LRRC37A2: variants seen among roughly 807,000 people sequenced by gnomAD.
The protein encoded by LRRC37A2 is leucine rich repeat containing 37 member A2, also known as leucine-rich repeat-containing protein 37A2.
Under a neutral mutation model 68.8 loss-of-function variants are expected in LRRC37A2, and 9 were observed. The ratio of observed to expected loss-of-function variants is 0.13; its 90% CI spans 0.08 to 0.23. The LOEUF (loss-of-function observed/expected upper bound fraction) is 0.23, where lower values mean the gene tolerates loss of function less well. LRRC37A2 is among the 10% of genes least tolerant of loss of function. The pLI is 1.00. For missense variants in LRRC37A2, 168 were observed against 950.4 expected (o/e 0.18, Z 10.82); for synonymous variants, 63 against 367.6 (o/e 0.17, Z 9.48).
the LRRC37A2 span, among the ~76,000 whole-genome samples, chr17:46,894,962 G>C: frequency 1.3e-5 from 2 of 152,182 alleles, no homozygotes; most frequent in South Asian, 4.1e-4. Context: ...GCCTGTGCTC[G>C]GGACGGGACG....
At chr17:46,925,462 C>T in the LRRC37A2 span, among the ~76,000 whole-genome samples, 1 of 152,222 alleles carries the variant, frequency 6.6e-6, no homozygotes, top group African/African-American at 2.4e-5. Flanking sequence ...GTCTATCTTT[C>T]CTCTCCAGTG....
chr17:46,974,516 C>CCT, the LRRC37A2 span, among the ~76,000 whole-genome samples: 5 of 152,278 alleles, frequency 3.3e-5, no homozygotes, highest in East Asian at 5.8e-4. Context: ...GGGTGGATCA[C>CCT]AAGGTCAGGA....
At chr17:47,007,321 G>A in the LRRC37A2 span, among the ~76,000 whole-genome samples, 301 of 152,198 alleles carry the variant, frequency 2.0e-3, 1 homozygote, top group African/African-American at 5.5e-3. Context: ...GGGATTACAG[G>A]TGCCTGCCAG....
At chr17:46,831,487 C>T in the LRRC37A2 span, 1 of 152,526 alleles carries the variant, frequency 6.6e-6, no homozygotes, top group African/African-American at 2.4e-5. Flanking sequence ...AACTGTCTTC[C>T]AGTTGTCCAG....
the LRRC37A2 span, among the ~76,000 whole-genome samples, chr17:46,835,591 C>T: frequency 7.2e-4 from 109 of 152,376 alleles, no homozygotes; most frequent in Admixed American, 1.3e-3. Context: ...GCCTCCCTGA[C>T]TTACCCCTCC....
the LRRC37A2 span, among the ~76,000 whole-genome samples, chr17:46,926,035 G>A: frequency 6.6e-6 from 1 of 152,162 alleles, no homozygotes; most frequent in Non-Finnish European, 1.5e-5. Context: ...CGTATGTCCA[G>A]GACACAAGAA....
chr17:46,735,264 A>G, the LRRC37A2 span, among the ~76,000 whole-genome samples: 1 of 152,184 alleles, frequency 6.6e-6, no homozygotes, highest in East Asian at 1.9e-4. Context: ...ATCATCAGAG[A>G]AATGCTAATA....
the LRRC37A2 span, among the ~76,000 whole-genome samples, chr17:46,500,666 C>T: frequency 6.6e-6 from 1 of 150,966 alleles, no homozygotes; most frequent in South Asian, 2.1e-4. Context: ...ATAGCAAATC[C>T]CTTGTTGAGT....
At chr17:46,798,695 C>T in the LRRC37A2 span, among the ~76,000 whole-genome samples, 1 of 152,164 alleles carries the variant, frequency 6.6e-6, no homozygotes, top group Non-Finnish European at 1.5e-5. Context: ...ACAGCCAGTG[C>T]CTCAGCCATT....
chr17:46,767,163 C>T, the LRRC37A2 span, among the ~76,000 whole-genome samples: 3 of 152,126 alleles, frequency 2.0e-5, no homozygotes, highest in Non-Finnish European at 2.9e-5. Flanking sequence ...TGACCTATCC[C>T]GGGGTGCTGT....
At chr17:46,953,613 G>A in the LRRC37A2 span, among the ~76,000 whole-genome samples, 1 of 152,168 alleles carries the variant, frequency 6.6e-6, no homozygotes, top group African/African-American at 2.4e-5. Flanking sequence ...GATCCCTGAG[G>A]AATCGCCACA....
the LRRC37A2 span, among the ~76,000 whole-genome samples, chr17:46,822,039 G>T: frequency 3.0e-4 from 46 of 151,584 alleles, no homozygotes; most frequent in African/African-American, 9.8e-4. Context: ...GGACCAACCT[G>T]GGGGGGTAAA....
the LRRC37A2 span, chr17:46,764,066 A>AC: frequency 6.6e-6 from 1 of 152,186 alleles, no homozygotes; most frequent in South Asian, 2.1e-4. Context: ...CCTTCCTACC[A>AC]CTTCATCCTA....
chr17:46,740,719 T>C, the LRRC37A2 span, among the ~76,000 whole-genome samples: 1 of 151,306 alleles, frequency 6.6e-6, no homozygotes, highest in Non-Finnish European at 1.5e-5. Context: ...TGGAGTACAA[T>C]GGCACGATTT....
At chr17:46,941,267 A>G in the LRRC37A2 span, 20 of 986,302 alleles carry the variant, frequency 2.0e-5, no homozygotes, top group Non-Finnish European at 2.4e-5. Flanking sequence ...CTTTGCCCTG[A>G]TGAATTTGAA....
At chr17:46,906,660 T>C in the LRRC37A2 span, among the ~76,000 whole-genome samples, 9 of 152,290 alleles carry the variant, frequency 5.9e-5, no homozygotes, top group East Asian at 5.8e-4. Flanking sequence ...ACTGATATTA[T>C]ATAAGCCTCA....
chr17:47,000,083 AAATAAAAT>A, the LRRC37A2 span, among the ~76,000 whole-genome samples: 17,320 of 76,066 alleles, frequency 0.23, 2,861 homozygotes, highest in South Asian at 0.26. Context: ...ATAAAAAATA[AAATAAAAT>A]AAAATAAAAT....
the LRRC37A2 span, among the ~76,000 whole-genome samples, chr17:46,975,818 T>C: frequency 6.6e-6 from 1 of 152,140 alleles, no homozygotes; most frequent in Non-Finnish European, 1.5e-5. Context: ...CCACTAAGGC[T>C]TTCCTTTTCA....
the LRRC37A2 span, chr17:46,885,236 CCT>C: frequency 4.3e-5 from 13 of 300,286 alleles, no homozygotes; most frequent in African/African-American, 3.0e-4. Flanking sequence ...GAACTCCCGA[CCT>C]CAGGTGATCC....
Sources: gnomAD v4.1 joint callset for allele counts (sites outside exome capture counted in the v4.1 genomes callset) on GRCh38, gnomAD v4.1.1 for gene constraint, MANE v1.5 for transcripts, NCBI Gene and HGNC (gene_info 2026-07-23, HGNC 2026-07-21) for gene names.